Variants in CCBE1 observed in about 807,000 individuals in gnomAD.
The protein encoded by CCBE1 is collagen and calcium-binding EGF domain-containing protein 1.
In CCBE1, 37 loss-of-function variants were observed where a neutral mutation model predicts 50.0. The ratio of observed to expected loss-of-function variants is 0.74; its 90% confidence interval spans 0.57 to 0.97. The LOEUF is 0.97. CCBE1 is among the 50% of genes least tolerant of loss of function. CCBE1 has a pLI of 0.00. For synonymous variants in CCBE1, 234 were observed against 203.7 expected (o/e 1.15, Z -1.27); for missense variants, 538 against 523.8 (o/e 1.03, Z -0.26).
chr18:59,470,057 C>G (rs908833166), intron 3 of CCBE1, among the ~76,000 whole-genome samples: 1 of 152,070 alleles, frequency 6.6e-6, no homozygotes, highest in Non-Finnish European at 1.5e-5. Flanking sequence ...CAGGCAGGCT[C>G]AGAGAGGTAG....
chr18:59,461,141 C>T (rs975820856), intron 5 of CCBE1, among the ~76,000 whole-genome samples: 10 of 152,002 alleles, frequency 6.6e-5, no homozygotes, highest in Non-Finnish European at 1.5e-5. Context: ...CAGAGACCCG[C>T]TCATTGTTGC....
chr18:59,510,903 C>G (rs573758172), intron 2 of CCBE1, among the ~76,000 whole-genome samples: 10 of 152,336 alleles, frequency 6.6e-5, no homozygotes, highest in African/African-American at 1.9e-4. Flanking sequence ...CTCTTACTGT[C>G]ATCAGCTCCT....
At chr18:59,589,623 G>A (rs752699867) in intron 2 of CCBE1, among the ~76,000 whole-genome samples, 6 of 151,602 alleles carry the variant, frequency 4.0e-5, no homozygotes, top group African/African-American at 7.3e-5. Context: ...GTGAAACCCC[G>A]TCTCTACTAA....
intron 5 of CCBE1, among the ~76,000 whole-genome samples, chr18:59,460,230 G>A (rs1406589678): frequency 6.6e-6 from 1 of 152,174 alleles, no homozygotes; most frequent in Non-Finnish European, 1.5e-5. Flanking sequence ...CAGTCCTGGG[G>A]CCACCCTCCC....
chr18:59,565,115 C>T (rs2052801232), intron 2 of CCBE1, among the ~76,000 whole-genome samples: 1 of 152,142 alleles, frequency 6.6e-6, no homozygotes, highest in African/African-American at 2.4e-5. Context: ...CAAGGGCCAC[C>T]CTTCAGGGGA....
Position 59,580,679 on chromosome 18 carries a change from C to T in CCBE1, c.213-100441G>A, listed in dbSNP as rs138875374. Among the ~76,000 whole-genome samples, 241 of 152,248 alleles carry T rather than the reference C, an allele frequency of 1.6e-3. 1 individual carries two copies. Among genetic ancestry groups the T allele is most frequent in the African/African-American group, 5.5e-3 (227 of 41,524 alleles). The stretch of plus-strand genomic sequence containing the variant: ...CCCAAAGTAGGAGCTGGTGTCTGGA[C>T]GAGGGTGGGGGATCCTGACCCAGTT... On this transcript the variant is annotated intron_variant, in intron 2 of 10. Transcript: ENST00000439986.
At chr18:59,521,827 A>T (rs546762326) in intron 2 of CCBE1, among the ~76,000 whole-genome samples, 1 of 152,350 alleles carries the variant, frequency 6.6e-6, no homozygotes, top group South Asian at 2.1e-4. Context: ...CATCGACAAA[A>T]AAGTTTAGTC....
At position 59,569,303 on chromosome 18, in the gene CCBE1, G is replaced by A. The variant is rs140831255; in HGVS notation, c.213-89065C>T. Among the ~76,000 whole-genome samples, 15 of 152,286 alleles carry A rather than the reference G, an allele frequency of 9.8e-5. 1 individual carries two copies. The East Asian group carries it at 2.5e-3, about 25-fold the overall frequency. On this transcript the variant is annotated intron_variant, in intron 2 of 10. Coordinates refer to ENST00000439986, the MANE Select transcript of CCBE1 (RefSeq NM_133459.4). ...TTCTAAATCTGTTGCTTCACCTGATGCCGATTTTACTAGCAGTCTGTCCTA... is the reference window on the plus strand; with the variant it reads ...TTCTAAATCTGTTGCTTCACCTGATACCGATTTTACTAGCAGTCTGTCCTA...
intron 2 of CCBE1, among the ~76,000 whole-genome samples, chr18:59,540,513 G>T (rs1161910641): frequency 2.0e-5 from 3 of 152,148 alleles, no homozygotes; most frequent in Non-Finnish European, 4.4e-5. Flanking sequence ...AGGGGGTGTT[G>T]CTGTCATTCT....
intron 2 of CCBE1, among the ~76,000 whole-genome samples, chr18:59,624,011 G>A (rs999076457): frequency 6.6e-6 from 1 of 152,182 alleles, no homozygotes; most frequent in Non-Finnish European, 1.5e-5. Context: ...TCCAAACAAT[G>A]TGGGAGTGAC....
intron 2 of CCBE1, among the ~76,000 whole-genome samples, chr18:59,560,242 C>T (rs2052714526): frequency 6.6e-6 from 1 of 152,196 alleles, no homozygotes; most frequent in Non-Finnish European, 1.5e-5. Flanking sequence ...TATTGCAGTG[C>T]ATGGGTATGC....
chr18:59,476,682 T>C (rs890061676), intron 3 of CCBE1, among the ~76,000 whole-genome samples: 5 of 152,238 alleles, frequency 3.3e-5, no homozygotes, highest in African/African-American at 1.2e-4. Context: ...CAGCAACGCT[T>C]AAAAACTATA....
Position 59,484,401 on chromosome 18 carries a change from C to A in CCBE1, c.213-4163G>T, listed in dbSNP as rs565900556. 2.6e-5 allele frequency among the ~76,000 whole-genome samples: 4 copies of A among 152,328 alleles called. No homozygotes were observed. The South Asian group carries it at 8.3e-4, about 32-fold the overall frequency. ...TTTTAATGCTGCATTTAAGATACAA[C>A]CTCTGAGCTGTTTGATGGCGTTTTA... On this transcript the variant is annotated intron_variant, in intron 2 of 10. Transcript: ENST00000439986.
Position 59,639,786 on chromosome 18 carries a change from A to G in CCBE1, c.212+56843T>C, listed in dbSNP as rs569599088. Reference sequence around the variant, plus strand: ...AGCTCTTTGATCTGATAAATTCAGCAAAGTTTCAGGATAGAAAAAAAGTTA... The same window carrying G: ...AGCTCTTTGATCTGATAAATTCAGCGAAGTTTCAGGATAGAAAAAAAGTTA... On this transcript the variant is annotated intron_variant, in intron 2 of 10. Coordinates refer to ENST00000439986, the MANE Select transcript of CCBE1 (RefSeq NM_133459.4). 3.3e-4 allele frequency among the ~76,000 whole-genome samples: 50 copies of G among 152,344 alleles called. 1 individual carries two copies. Among genetic ancestry groups the G allele is most frequent in the African/African-American group, 1.1e-3 (47 of 41,586 alleles).
intron 2 of CCBE1, among the ~76,000 whole-genome samples, chr18:59,616,876 T>C (rs1010710557): frequency 2.0e-5 from 3 of 152,172 alleles, no homozygotes; most frequent in Admixed American, 6.5e-5. Flanking sequence ...AACTGTGTCA[T>C]GTTGGGCAAG....
In CCBE1 at chr18:59,430,948, T is replaced by G. The variant is rs530241038; in HGVS notation, c.*4960A>C. The G allele has an allele frequency of 2.6e-5, 4 of 152,304 alleles. No homozygotes were observed. Among genetic ancestry groups the G allele is most frequent in the African/African-American group, 9.6e-5 (4 of 41,556 alleles). The allele number at this position is 152,304 out of a possible 1,614,324, so 9.4% of individuals were successfully genotyped here. On this transcript the variant is annotated 3_prime_UTR_variant, in exon 11 of 11. Transcript: ENST00000439986. The stretch of plus-strand genomic sequence containing the variant: ...ACACAGTAGAGCAATGTAAGAAAAA[T>G]AACTTTGTTATTAAGCATATACAAT...
In CCBE1 at chr18:59,490,378, A is replaced by G. The variant is rs552932428; in HGVS notation, c.213-10140T>C. Among the ~76,000 whole-genome samples, 127 of 135,382 alleles carry G rather than the reference A, an allele frequency of 9.4e-4. 1 individual carries two copies. Among genetic ancestry groups the G allele is most frequent in the African/African-American group, 3.5e-3 (123 of 34,684 alleles). 88.8% of individuals were successfully genotyped at this position (135,382 alleles called of 152,430 possible). On this transcript the variant is annotated intron_variant, in intron 2 of 10. Coordinates refer to ENST00000439986, the MANE Select transcript of CCBE1 (RefSeq NM_133459.4). ...TCTCTTTATGCAGGTGCGAGACAGG[A>G]TATTCCCCCTTTTTTTTTTTTTGCA...
chr18:59,536,294 G>C (rs887810380), intron 2 of CCBE1, among the ~76,000 whole-genome samples: 3 of 152,078 alleles, frequency 2.0e-5, no homozygotes, highest in African/African-American at 4.8e-5. Context: ...ATAGAGCCTG[G>C]ACAGCTCATG....
intron 2 of CCBE1, among the ~76,000 whole-genome samples, chr18:59,607,166 C>T (rs2053509679): frequency 6.6e-6 from 1 of 152,070 alleles, no homozygotes; most frequent in African/African-American, 2.4e-5. Flanking sequence ...AAAGTCCTGT[C>T]CAGTACAGCT....
Sources: allele counts gnomAD v4.1 joint callset (sites outside exome capture counted in the v4.1 genomes callset), GRCh38; gene constraint gnomAD v4.1.1; transcripts MANE v1.5; gene names NCBI Gene and HGNC (gene_info 2026-07-23, HGNC 2026-07-21).